SLIT3: variants seen among roughly 807,000 people sequenced by gnomAD.
SLIT3 encodes the protein slit guidance ligand 3.
In SLIT3, 68 loss-of-function variants were observed where a neutral mutation model predicts 184.0. That is an observed-to-expected ratio of 0.37 (90% CI 0.30 to 0.45). The LOEUF (loss-of-function observed/expected upper bound fraction) is 0.45, where lower values mean the gene tolerates loss of function less well. SLIT3 is among the 20% of genes least tolerant of loss of function. The pLI, the probability that SLIT3 is intolerant of heterozygous loss-of-function variation, is 1.00. For synonymous variants in SLIT3, 831 were observed against 828.6 expected, an observed-to-expected ratio of 1.00 and a Z score of -0.05; for missense variants, 1,707 against 2,026.0, an observed-to-expected ratio of 0.84 and a Z score of 3.02.
At chr5:169,297,063 T>G (rs1469132857) in intron 1 of SLIT3, among the ~76,000 whole-genome samples, 1 of 152,240 alleles carries the variant, frequency 6.6e-6, no homozygotes, top group African/African-American at 2.4e-5. Context: ...GAAGGGTAAG[T>G]GCAACATCTG....
At chr5:168,945,172 T>C (rs1339687953) in intron 4 of SLIT3, among the ~76,000 whole-genome samples, 2 of 152,002 alleles carry the variant, frequency 1.3e-5, no homozygotes, top group Non-Finnish European at 2.9e-5. Context: ...GTTGCTTTAA[T>C]GACTGACCAT....
Position 168,673,295 on chromosome 5 carries a change from C to T in SLIT3, c.3723G>A (p.Val1241=), listed in dbSNP as rs1225201253. 6.2e-7 allele frequency: 1 copy of T among 1,613,992 alleles called. No individual in the cohort carries two copies. The highest frequency in any genetic ancestry group is 1.3e-5 in the African/African-American group (1 of 74,880). ...ETVNDGQFHS[V]ELVTLNQTLN... Reference sequence around the variant, plus strand: ...GGGTCTGGTTTAGCGTCACCAGCTCCACACTGTGAAACTGCCCATCATTCA... The same window carrying T: ...GGGTCTGGTTTAGCGTCACCAGCTCTACACTGTGAAACTGCCCATCATTCA... The change falls in exon 33 of 36, where the codon GTG becomes GTA. Residue 1241 remains valine (V), a synonymous_variant. Transcript: ENST00000519560.
intron 4 of SLIT3, among the ~76,000 whole-genome samples, chr5:169,029,335 C>G (rs561005398): frequency 1.2e-4 from 18 of 152,292 alleles, no homozygotes; most frequent in African/African-American, 3.8e-4. Flanking sequence ...TTTCCTAGTT[C>G]ATTTGTTCTC....
intron 6 of SLIT3, among the ~76,000 whole-genome samples, chr5:168,831,038 GT>G (rs1757863847): frequency 8.8e-6 from 1 of 113,998 alleles, no homozygotes; most frequent in Non-Finnish European, 2.1e-5. Context: ...AGCACAGACA[GT>G]GAGGGAAGCA....
intron 14 of SLIT3, among the ~76,000 whole-genome samples, chr5:168,764,635 A>G (rs1383669384): frequency 6.6e-6 from 1 of 152,120 alleles, no homozygotes; most frequent in Non-Finnish European, 1.5e-5. Flanking sequence ...TCGAGAATGA[A>G]CTTGGTGGGT....
intron 9 of SLIT3, among the ~76,000 whole-genome samples, chr5:168,804,996 C>T (rs1389660720): frequency 6.6e-6 from 1 of 152,212 alleles, no homozygotes; most frequent in Non-Finnish European, 1.5e-5. Flanking sequence ...TACTCTTCCT[C>T]CAGATAGCCA....
chr5:169,281,167 T>TAATAAG (rs1766979767), intron 1 of SLIT3, among the ~76,000 whole-genome samples: 1 of 152,186 alleles, frequency 6.6e-6, no homozygotes, highest in Non-Finnish European at 1.5e-5. Context: ...TAGATTTGTA[T>TAATAAG]ATGTATTCCC....
intron 4 of SLIT3, among the ~76,000 whole-genome samples, chr5:169,063,748 C>T (rs1758255873): frequency 6.6e-6 from 1 of 152,222 alleles, no homozygotes; most frequent in African/African-American, 2.4e-5. Flanking sequence ...AGGCAGGTGG[C>T]CCCTGAAGCT....
At chr5:168,970,638 G>A (rs559294773) in intron 4 of SLIT3, among the ~76,000 whole-genome samples, 1 of 152,298 alleles carries the variant, frequency 6.6e-6, no homozygotes, top group Non-Finnish European at 1.5e-5. Context: ...ATTGCTTACA[G>A]CTGTCATAGC....
At chr5:168,972,377 G>GTT (rs1554086377) in intron 4 of SLIT3, among the ~76,000 whole-genome samples, 1 of 151,052 alleles carries the variant, frequency 6.6e-6, no homozygotes, top group African/African-American at 2.4e-5. Context: ...GTGTGTGTGT[G>GTT]AAGAGAGAAA....
At chr5:168,787,356 G>A (rs369253991) in intron 11 of SLIT3, among the ~76,000 whole-genome samples, 10 of 152,156 alleles carry the variant, frequency 6.6e-5, no homozygotes, top group East Asian at 5.8e-4. Context: ...AGCCCAGTGC[G>A]TCAAAACCAC....
intron 8 of SLIT3, among the ~76,000 whole-genome samples, chr5:168,810,818 C>T (rs956521599): frequency 1.6e-4 from 25 of 152,098 alleles, no homozygotes; most frequent in Non-Finnish European, 2.5e-4. Context: ...GTGCTGCCTC[C>T]GGTCCAGGGA....
intron 1 of SLIT3, among the ~76,000 whole-genome samples, chr5:169,257,982 G>A (rs1186263954): frequency 6.6e-6 from 1 of 152,162 alleles, no homozygotes; most frequent in Non-Finnish European, 1.5e-5. Context: ...CTACGCACCA[G>A]GTACTGTGCT....
chr5:169,085,641 G>GT (rs1277946119), intron 4 of SLIT3, among the ~76,000 whole-genome samples: 1 of 152,178 alleles, frequency 6.6e-6, no homozygotes, highest in African/African-American at 2.4e-5. Flanking sequence ...AATCAGAACT[G>GT]TTTGGTGTCA....
intron 4 of SLIT3, among the ~76,000 whole-genome samples, chr5:168,906,645 T>C (rs573633809): frequency 3.1e-4 from 47 of 152,282 alleles, no homozygotes; most frequent in African/African-American, 1.0e-3. Flanking sequence ...CTTCTATATA[T>C]ATATTTTTTT....
intron 29 of SLIT3, among the ~76,000 whole-genome samples, chr5:168,692,227 G>A (rs568477035): frequency 2.0e-5 from 3 of 152,328 alleles, no homozygotes; most frequent in African/African-American, 7.2e-5. Flanking sequence ...CCCTTTAGAC[G>A]CTGCTTCCCC....
chr5:169,275,575 G>A (rs550910316), intron 1 of SLIT3, among the ~76,000 whole-genome samples: 4 of 152,138 alleles, frequency 2.6e-5, no homozygotes, highest in African/African-American at 4.8e-5. Context: ...ACTTCCACAC[G>A]GTAGGGGCAG....
chr5:168,788,082 T>C (rs577301763), intron 11 of SLIT3, among the ~76,000 whole-genome samples: 6 of 152,138 alleles, frequency 3.9e-5, no homozygotes, highest in Admixed American at 6.6e-5. Flanking sequence ...GAATTCCTTT[T>C]CCTACGAGAC....
chr5:168,765,619 A>G (rs1208226202), intron 14 of SLIT3, among the ~76,000 whole-genome samples: 1 of 152,210 alleles, frequency 6.6e-6, no homozygotes, highest in East Asian at 1.9e-4. Context: ...AGTATTTTTA[A>G]CTTTTCCAGA....
Sources: gnomAD v4.1 joint callset for allele counts (sites outside exome capture counted in the v4.1 genomes callset) on GRCh38, gnomAD v4.1.1 for gene constraint, MANE v1.5 for transcripts, NCBI Gene and HGNC (gene_info 2026-07-23, HGNC 2026-07-21) for gene names.